The following DLG2 variants were observed in gnomAD, a reference collection of about 807,000 sequenced individuals.
DLG2 encodes discs large MAGUK scaffold protein 2.
DLG2 carries 45 observed loss-of-function variants against 132.5 expected under a neutral mutation model. The ratio of observed to expected loss-of-function variants is 0.34; its 90% confidence interval spans 0.27 to 0.44. The LOEUF (loss-of-function observed/expected upper bound fraction) is 0.44. DLG2 is among the 20% of genes least tolerant of loss of function. The probability of loss-of-function intolerance (pLI) is 1.00; values close to 1 mark genes in which losing one functional copy is unlikely to be tolerated. For synonymous variants in DLG2, 424 were observed against 419.6 expected (o/e 1.01, Z -0.13); for missense variants, 1,045 against 1,196.9 (o/e 0.87, Z 1.87).
At chr11:84,775,589 T>C (rs142216003) in intron 6 of DLG2, among the ~76,000 whole-genome samples, 1 of 152,040 alleles carries the variant, frequency 6.6e-6, no homozygotes, top group Admixed American at 6.6e-5. Context: ...CAGGCAGCCA[T>C]AAAAAAAGTG....
chr11:85,160,043 T>C (rs3941173), intron 4 of DLG2, among the ~76,000 whole-genome samples: 4 of 152,078 alleles, frequency 2.6e-5, no homozygotes, highest in African/African-American at 9.7e-5. Context: ...AATTCTTAGG[T>C]GTCCAGTGGT....
intron 6 of DLG2, among the ~76,000 whole-genome samples, chr11:84,863,981 T>G (rs1008036604): frequency 6.6e-6 from 1 of 152,174 alleles, no homozygotes; most frequent in African/African-American, 2.4e-5. Flanking sequence ...TACATGGGAT[T>G]TCTTTATAAA....
At chr11:84,117,288 C>T (rs1368446935) in intron 9 of DLG2, among the ~76,000 whole-genome samples, 2 of 152,100 alleles carry the variant, frequency 1.3e-5, no homozygotes, top group Admixed American at 1.3e-4. Flanking sequence ...TTAGCCTAAC[C>T]CTCTGGTTGT....
At chr11:84,758,345 C>A (rs1437576583) in intron 6 of DLG2, among the ~76,000 whole-genome samples, 14 of 152,178 alleles carry the variant, frequency 9.2e-5, no homozygotes, top group Non-Finnish European at 2.1e-4. Context: ...TGGCTCTTAA[C>A]ATTTAGATAT....
intron 4 of DLG2, among the ~76,000 whole-genome samples, chr11:85,211,086 T>A (rs1422172905): frequency 1.3e-5 from 2 of 152,166 alleles, no homozygotes; most frequent in Non-Finnish European, 2.9e-5. Context: ...CTCTACCTCA[T>A]GAAGGTTGAG....
At chr11:84,224,735 C>T (rs781110005) in intron 8 of DLG2, among the ~76,000 whole-genome samples, 12 of 152,266 alleles carry the variant, frequency 7.9e-5, no homozygotes, top group Admixed American at 7.2e-4. Flanking sequence ...TTATACCATG[C>T]GCTCTACTGC....
chr11:83,760,859 C>A (rs1313218273), intron 18 of DLG2, among the ~76,000 whole-genome samples: 1 of 152,152 alleles, frequency 6.6e-6, no homozygotes, highest in Admixed American at 6.5e-5. Context: ...TAGTCTTGCC[C>A]TACCTTTCTG....
At chr11:84,758,470 C>T (rs2067180796) in intron 6 of DLG2, among the ~76,000 whole-genome samples, 2 of 152,134 alleles carry the variant, frequency 1.3e-5, no homozygotes, top group African/African-American at 4.8e-5. Context: ...AGTAAAAGCA[C>T]CAGGTAGGTA....
chr11:84,066,941 A>T (rs187530426), intron 10 of DLG2, among the ~76,000 whole-genome samples: 40 of 152,338 alleles, frequency 2.6e-4, no homozygotes, highest in Admixed American at 2.4e-3. Flanking sequence ...CACATCATGA[A>T]GAAAGCTGAT....
chr11:83,788,325 C>A (rs1029021147), intron 17 of DLG2, among the ~76,000 whole-genome samples: 1 of 152,178 alleles, frequency 6.6e-6, no homozygotes, highest in African/African-American at 2.4e-5. Flanking sequence ...TGCCTCATCC[C>A]TGGCTTTCTA....
chr11:84,447,074 T>C (rs1237472620), intron 7 of DLG2, among the ~76,000 whole-genome samples: 3 of 152,050 alleles, frequency 2.0e-5, no homozygotes, highest in African/African-American at 4.8e-5. Flanking sequence ...CTGCAAGAGA[T>C]TTGGGGAAAT....
At chr11:83,910,613 C>T (rs1318639779) in intron 15 of DLG2, among the ~76,000 whole-genome samples, 2 of 152,102 alleles carry the variant, frequency 1.3e-5, no homozygotes, top group Non-Finnish European at 2.9e-5. Flanking sequence ...GATGGATATG[C>T]TAACCTGATC....
chr11:84,101,451 C>G (rs183899270), intron 9 of DLG2, among the ~76,000 whole-genome samples: 1 of 152,062 alleles, frequency 6.6e-6, no homozygotes. Context: ...TTGAGCATTT[C>G]GTATGCAACT....
At chr11:83,659,418 C>T (rs1243560550) in intron 18 of DLG2, among the ~76,000 whole-genome samples, 1 of 152,210 alleles carries the variant, frequency 6.6e-6, no homozygotes, top group East Asian at 1.9e-4. Flanking sequence ...CAATTGCACT[C>T]CATCTCTTTT....
At chr11:84,835,109 G>A (rs914711695) in intron 6 of DLG2, among the ~76,000 whole-genome samples, 2 of 151,600 alleles carry the variant, frequency 1.3e-5, no homozygotes, top group African/African-American at 4.8e-5. Flanking sequence ...CAGAAACACT[G>A]AAGATACCCT....
intron 7 of DLG2, among the ~76,000 whole-genome samples, chr11:84,459,812 T>C (rs2099075543): frequency 6.6e-6 from 1 of 150,644 alleles, no homozygotes; most frequent in Non-Finnish European, 1.5e-5. Flanking sequence ...TCTTGAGTTT[T>C]TGACAAAAAT....
intron 6 of DLG2, among the ~76,000 whole-genome samples, chr11:84,614,814 T>G (rs2099601194): frequency 6.6e-6 from 1 of 152,160 alleles, no homozygotes; most frequent in South Asian, 2.1e-4. Context: ...TTATTTTGTC[T>G]TGCCATTTTG....
chr11:83,643,562 C>T lies in DLG2; in HGVS notation c.1826-10237G>A, dbSNP rs1430150074. On this transcript the variant is annotated intron_variant, in intron 18 of 27. Transcript: ENST00000376104. The stretch of plus-strand genomic sequence containing the variant: ...TTGGCAAACTCAAATATTAAATCTT[C>T]GCTGAATTTGTCTTGTTCTTTTATA... The T allele has an allele frequency of 4.6e-5, 7 of 152,256 alleles. No homozygotes were observed. In the South Asian group the frequency reaches 8.3e-4, roughly 18 times the overall value. 9.4% of individuals were successfully genotyped at this position (152,256 alleles called of 1,614,324 possible).
chr11:84,726,792 T>C (rs976995206), intron 6 of DLG2, among the ~76,000 whole-genome samples: 3 of 152,212 alleles, frequency 2.0e-5, no homozygotes, highest in Non-Finnish European at 4.4e-5. Flanking sequence ...CCTGACTTTT[T>C]AATGATTGCC....
Sources: gnomAD v4.1 joint callset for allele counts (sites outside exome capture counted in the v4.1 genomes callset) on GRCh38, gnomAD v4.1.1 for gene constraint, MANE v1.5 for transcripts, NCBI Gene and HGNC (gene_info 2026-07-23, HGNC 2026-07-21) for gene names.